Variants in RNF150 observed in about 807,000 individuals in gnomAD.
RNF150 encodes ring finger protein 150.
A neutral mutation model predicts 39.3 loss-of-function variants in RNF150; 24 were observed. The observed-to-expected ratio is 0.61, with a 90% CI of 0.44 to 0.86. RNF150 has a LOEUF of 0.86. Ranked by LOEUF, RNF150 falls within the 40% of genes least tolerant of loss-of-function variation. The pLI, the probability that RNF150 is intolerant of heterozygous loss-of-function variation, is 0.00. For missense variants in RNF150, 502 were observed against 587.8 expected (o/e 0.85, Z 1.51); for synonymous variants, 255 against 227.3 (o/e 1.12, Z -1.10).
chr4:140,915,375 T>C (rs1730776299), intron 5 of RNF150, among the ~76,000 whole-genome samples: 1 of 152,184 alleles, frequency 6.6e-6, no homozygotes, highest in African/African-American at 2.4e-5. Context: ...GTTTTAAGAA[T>C]GGAGAAGTCA....
chr4:140,931,284 T>A (rs11944744), intron 4 of RNF150, among the ~76,000 whole-genome samples: 2,752 of 132,970 alleles, frequency 0.021, 102 homozygotes, highest in African/African-American at 0.07. Flanking sequence ...CTACAAATTT[T>A]AAAAAAATCA....
chr4:140,881,651 G>A (rs1199962463), intron 6 of RNF150, among the ~76,000 whole-genome samples: 1 of 104,370 alleles, frequency 9.6e-6, no homozygotes, highest in African/African-American at 2.7e-5. Flanking sequence ...AAGGTGGGAG[G>A]ATTGCTTGAA....
At chr4:141,118,907 C>T (rs1726520666) in intron 1 of RNF150, among the ~76,000 whole-genome samples, 1 of 152,002 alleles carries the variant, frequency 6.6e-6, no homozygotes, top group Admixed American at 6.6e-5. Context: ...ACTACAGGTA[C>T]CCACCACCAT....
chr4:141,079,619 C>T (rs190497603), intron 1 of RNF150, among the ~76,000 whole-genome samples: 28 of 152,228 alleles, frequency 1.8e-4, no homozygotes, highest in African/African-American at 6.8e-4. Context: ...ATTAAGCCAA[C>T]ACTGGCTGAG....
chr4:140,962,538 C>T (rs1293780021), intron 2 of RNF150, among the ~76,000 whole-genome samples: 2 of 151,636 alleles, frequency 1.3e-5, no homozygotes, highest in African/African-American at 4.8e-5. Flanking sequence ...CCCATATGAA[C>T]CAACTGAAGC....
At chr4:141,107,017 G>T (rs559410682) in intron 1 of RNF150, among the ~76,000 whole-genome samples, 1 of 152,010 alleles carries the variant, frequency 6.6e-6, no homozygotes, top group South Asian at 2.1e-4. Flanking sequence ...AATATCCAAG[G>T]TTAAGATTCT....
At chr4:141,189,785 G>A (rs1578788842) in intron 1 of RNF150, among the ~76,000 whole-genome samples, 1 of 152,194 alleles carries the variant, frequency 6.6e-6, no homozygotes, top group East Asian at 1.9e-4. Flanking sequence ...ACTTCAGACT[G>A]CTGTGCTGGC....
intron 1 of RNF150, among the ~76,000 whole-genome samples, chr4:141,147,585 A>C (rs1727224126): frequency 6.6e-6 from 1 of 152,192 alleles, no homozygotes; most frequent in Non-Finnish European, 1.5e-5. Flanking sequence ...TTTTGGTGAA[A>C]ACATAGCAGT....
Position 141,189,247 on chromosome 4 carries a change from G to A in RNF150, c.-6+23547C>T, listed in dbSNP as rs561598786. Among the ~76,000 whole-genome samples the A allele has an allele frequency of 1.2e-4, 18 of 152,260 alleles. No homozygotes were observed. The East Asian group carries it at 3.5e-3, about 30-fold the overall frequency. The stretch of plus-strand genomic sequence containing the variant: ...AGTGGAGGCTGCAGAACAGCATGTT[G>A]CTGTCTGCTTCTTCCTCTGGAAGCT... On this transcript the variant is annotated intron_variant, in intron 1 of 7. Coordinates refer to the RNF150 transcript ENST00000420921.
At chr4:140,993,526 C>T (rs776240267) in intron 1 of RNF150, among the ~76,000 whole-genome samples, 2 of 152,208 alleles carry the variant, frequency 1.3e-5, no homozygotes, top group Non-Finnish European at 2.9e-5. Flanking sequence ...CAGCGAGAGA[C>T]ATTTCTGGAG....
At chr4:140,980,012 A>G (rs1733802795) in intron 1 of RNF150, among the ~76,000 whole-genome samples, 1 of 152,102 alleles carries the variant, frequency 6.6e-6, no homozygotes, top group Admixed American at 6.6e-5. Context: ...AACTACTGGG[A>G]AAAATCACAA....
chr4:141,042,734 C>T (rs1408119079), intron 1 of RNF150, among the ~76,000 whole-genome samples: 2 of 152,072 alleles, frequency 1.3e-5, no homozygotes, highest in East Asian at 3.8e-4. Flanking sequence ...TATTCTACTT[C>T]ATTTTCTAGT....
intron 1 of RNF150, among the ~76,000 whole-genome samples, chr4:141,008,508 T>C (rs974650528): frequency 6.6e-6 from 1 of 152,234 alleles, no homozygotes; most frequent in African/African-American, 2.4e-5. Flanking sequence ...TTACAAAATA[T>C]ACACCTATGC....
intron 2 of RNF150, among the ~76,000 whole-genome samples, chr4:140,959,619 G>A (rs925059926): frequency 1.3e-5 from 2 of 152,114 alleles, no homozygotes; most frequent in Non-Finnish European, 2.9e-5. Flanking sequence ...CAAGCATCGC[G>A]AGTGAAGAGG....
At chr4:141,154,170 A>G (rs1349839108) in intron 1 of RNF150, among the ~76,000 whole-genome samples, 1 of 152,194 alleles carries the variant, frequency 6.6e-6, no homozygotes, top group African/African-American at 2.4e-5. Flanking sequence ...CCACAGAGTA[A>G]ACAACAGGAG....
chr4:141,169,636 A>G (rs1159260105), intron 1 of RNF150, among the ~76,000 whole-genome samples: 1 of 152,146 alleles, frequency 6.6e-6, no homozygotes, highest in African/African-American at 2.4e-5. Context: ...CTTCATCTTC[A>G]TTTGGCTGAT....
At chr4:140,933,750 AC>A (rs1401966372) in intron 4 of RNF150, among the ~76,000 whole-genome samples, 5 of 152,206 alleles carry the variant, frequency 3.3e-5, no homozygotes, top group Non-Finnish European at 5.9e-5. Flanking sequence ...GGTGAACTTC[AC>A]ATCATTAAGT....
In RNF150 at chr4:140,902,714, A is replaced by G. The variant is rs192416347; in HGVS notation, c.1198+8430T>C. Among the ~76,000 whole-genome samples the G allele has an allele frequency of 2.6e-5, 4 of 152,344 alleles. No individual in the cohort carries two copies. In the East Asian group the frequency reaches 5.8e-4, roughly 22 times the overall value. On this transcript the variant is annotated intron_variant, in intron 6 of 6. Transcript: ENST00000515673. ...AAGAACCAGGTGAATACTGCATAAC[A>G]GCATTTTGGGAGCAGAGGACCATGA...
rs780868429 is a variant in RNF150, at chr4:141,096,190, C to CTTTTTTTTTT, written c.484+36125_484+36134dup. ...AATACCAAGGAGAGTTTTTAGCTTT[C>CTTTTTTTTTT]TTTTTTTTTTTTTTTTTTTTTTTTT... On this transcript the variant is annotated intron_variant, in intron 1 of 6. Coordinates refer to ENST00000515673, the MANE Select transcript of RNF150 (RefSeq NM_020724.2). Among the ~76,000 whole-genome samples the CTTTTTTTTTT allele has an allele frequency of 7.4e-5, 5 of 67,982 alleles. 1 individual carries two copies. Among genetic ancestry groups the CTTTTTTTTTT allele is most frequent in the African/African-American group, 3.5e-4 (5 of 14,240 alleles). The allele number at this position is 67,982 out of a possible 152,430, so 44.6% of individuals were successfully genotyped here.
Sources: allele counts gnomAD v4.1 joint callset (sites outside exome capture counted in the v4.1 genomes callset), GRCh38; gene constraint gnomAD v4.1.1; transcripts MANE v1.5; gene names NCBI Gene and HGNC (gene_info 2026-07-23, HGNC 2026-07-21).